SLC8B1: variants seen among roughly 807,000 people sequenced by gnomAD.
SLC8B1 encodes the protein solute carrier family 8 member B1.
A neutral mutation model predicts 63.4 loss-of-function variants in SLC8B1; 52 were observed. That is an observed-to-expected ratio of 0.82 (90% CI 0.66 to 1.03). The LOEUF is 1.03. Ranked by LOEUF, SLC8B1 falls within the 50% of genes least tolerant of loss-of-function variation. The pLI, the probability that SLC8B1 is intolerant of heterozygous loss-of-function variation, is 0.00. For synonymous variants in SLC8B1, 336 were observed against 323.9 expected, an observed-to-expected ratio of 1.04 and a Z score of -0.40; for missense variants, 657 against 741.7, an observed-to-expected ratio of 0.89 and a Z score of 1.33.
rs1240575528 is a variant in SLC8B1, at chr12:113,320,243, ACC to A, written c.694+86_694+87del. 10 of 1,457,544 alleles carry A rather than the reference ACC, an allele frequency of 6.9e-6. No individual in the cohort carries two copies. In the East Asian group the frequency reaches 2.3e-4, roughly 33 times the overall value. The allele number at this position is 1,457,544 out of a possible 1,614,324, so 90.3% of individuals were successfully genotyped here. A position where few individuals can be genotyped will look rare whatever the true frequency, so the allele number is the denominator to read the frequency against. On this transcript the variant is annotated intron_variant, in intron 7 of 15. Coordinates refer to ENST00000680972, the MANE Select transcript of SLC8B1 (RefSeq NM_001358345.2). This position sits in a 1 kb window ranked among gnomAD's most constrained non-coding sequence, Gnocchi z 5.3. ...AATCAAATCAAAGCCCCCACTGACC[ACC>A]CCTCACACCTCTCTGTCCCAGGCAC...
intron 2 of SLC8B1, among the ~76,000 whole-genome samples, chr12:113,324,059 C>G (rs1956964182): frequency 6.6e-6 from 1 of 152,168 alleles, no homozygotes; most frequent in South Asian, 2.1e-4. Flanking sequence ...CACCTGTAAT[C>G]CCAACACTTT....
At position 113,320,054 on chromosome 12, in the gene SLC8B1, A is replaced by G. The variant is rs1956899458; in HGVS notation, c.694+277T>C. On this transcript the variant is annotated intron_variant, in intron 7 of 15. Coordinates refer to ENST00000680972, the MANE Select transcript of SLC8B1 (RefSeq NM_001358345.2). The surrounding 1 kb of genome is among the most constrained non-coding windows in gnomAD (Gnocchi z 5.3). ...GTGATCCTCCTGCCTCAGCCTCTCAAATTGCTGGGATGATAGGTGTGAGCC... is the reference window on the plus strand; with the variant it reads ...GTGATCCTCCTGCCTCAGCCTCTCAGATTGCTGGGATGATAGGTGTGAGCC... The G allele has an allele frequency of 1.1e-5, 4 of 379,038 alleles. No individual in the cohort carries two copies. The highest frequency in any genetic ancestry group is 4.1e-5 in the African/African-American group (2 of 49,002). 23.5% of individuals were successfully genotyped at this position (379,038 alleles called of 1,614,324 possible).
At position 113,307,818 on chromosome 12, in the gene SLC8B1, G is replaced by C; in HGVS notation, c.1284C>G (p.Thr428=). 6.2e-7 allele frequency: 1 copy of C among 1,613,230 alleles called. No homozygotes were observed. The highest frequency in any genetic ancestry group is 8.5e-7 in the Non-Finnish European group (1 of 1,180,018). Residue 428 remains threonine, a synonymous_variant, in exon 13 of 16, where the codon ACC becomes ACG. Coordinates refer to ENST00000680972, the MANE Select transcript of SLC8B1 (RefSeq NM_001358345.2). ...CGGCCGCGTTGATCCACAGGGCGCT[G>C]GTCAGAAAGCCCAGGAAAGCAAAGA... ...HWLFAFLGFL[T]SALWINAAAT...
chr12:113,319,030 G>C lies in SLC8B1; in HGVS notation c.736C>G (p.Leu246Val), dbSNP rs115521155. Residue 246 changes from leucine to valine, a missense_variant, in exon 8 of 16, where the codon CTC becomes GTC. Leu to Val is a conservative substitution (Grantham distance 32). Transcript: ENST00000680972. ...TGCCGTTGGTAGATCCAGGTGCAGA[G>C]AATCACAGTGACCACATAGAACACA... ...LYVFYVVTVI[L>V]CTWIYQRQRR... is the part of the protein sequence containing the mutation. 1,618 of 1,614,066 alleles carry C rather than the reference G, an allele frequency of 1.0e-3. 18 individuals carry two copies. In the African/African-American group the frequency reaches 0.02, roughly 20 times the overall value.
chr12:113,308,789 A>G (rs184492529), intron 12 of SLC8B1: 1 of 152,376 alleles, frequency 6.6e-6, no homozygotes, highest in African/African-American at 2.4e-5. Flanking sequence ...TGGTACATTC[A>G]TTGAGTTTCC....
rs964948403 is a variant in SLC8B1, at chr12:113,302,579, C to T, written c.1557+1742G>A. 7.3e-5 allele frequency: 33 copies of T among 453,876 alleles called. 1 individual carries two copies. The highest frequency in any genetic ancestry group is 3.6e-4 in the African/African-American group (18 of 49,994). The allele number at this position is 453,876 out of a possible 1,614,324, so 28.1% of individuals were successfully genotyped here. A position where few individuals can be genotyped will look rare whatever the true frequency, so the allele number is the denominator to read the frequency against. On this transcript the variant is annotated intron_variant, in intron 15 of 15. Transcript: ENST00000680972. ...AAAAGGGACTGAAATGTCCCCTCCC[C>T]GCTTCTCTTCCTTCCACACTTAGCA...
intron 11 of SLC8B1, among the ~76,000 whole-genome samples, chr12:113,312,107 A>C (rs1053693879): frequency 5.9e-5 from 9 of 151,992 alleles, no homozygotes; most frequent in African/African-American, 2.2e-4. Flanking sequence ...GGAATAGCAC[A>C]GAAAAGGCTG....
Position 113,330,517 on chromosome 12 carries a change from C to T in SLC8B1, c.156+2206G>A, listed in dbSNP as rs371015545. On this transcript the variant is annotated intron_variant, in intron 2 of 15. Transcript: ENST00000680972. The stretch of plus-strand genomic sequence containing the variant: ...ATAGCACAGAGATAATCACTCCCAC[C>T]TCACGGGGTTTGGGGGAGGACTTGT... 7.2e-5 allele frequency among the ~76,000 whole-genome samples: 11 copies of T among 152,346 alleles called. No homozygotes were observed. The South Asian group carries it at 1.5e-3, about 20-fold the overall frequency.
At chr12:113,331,608 G>A (rs536454152) in intron 2 of SLC8B1, among the ~76,000 whole-genome samples, 2 of 152,108 alleles carry the variant, frequency 1.3e-5, no homozygotes, top group Non-Finnish European at 2.9e-5. Context: ...TCAGCTTTGG[G>A]ACTCTTGGAC....
chr12:113,317,524 T>A (rs1956850137), intron 8 of SLC8B1, among the ~76,000 whole-genome samples: 1 of 152,230 alleles, frequency 6.6e-6, no homozygotes. Context: ...AATAGGGGCA[T>A]CTGAAGGCAC....
At chr12:113,331,220 C>A (rs11609158) in intron 2 of SLC8B1, among the ~76,000 whole-genome samples, 1 of 151,798 alleles carries the variant, frequency 6.6e-6, no homozygotes, top group African/African-American at 2.4e-5. Flanking sequence ...AACCCTGTTT[C>A]TACTAAAAAT....
chr12:113,307,801 T>C lies in SLC8B1; in HGVS notation c.1301A>G (p.Asn434Ser). Reference protein sequence around the residue: ...LGFLTSALWINAAATEVVNIL... With the variant: ...LGFLTSALWISAAATEVVNIL... ...GTTCACCACCTCTGTGGCGGCCGCGTTGATCCACAGGGCGCTGGTCAGAAA... is the reference window on the plus strand; with the variant it reads ...GTTCACCACCTCTGTGGCGGCCGCGCTGATCCACAGGGCGCTGGTCAGAAA... Residue 434 changes from asparagine to serine, a missense_variant, in exon 13 of 16, where the codon AAC (asparagine) becomes AGC (serine). Physicochemically the swap from Asn to Ser is conservative, Grantham distance 46. Coordinates refer to ENST00000680972, the MANE Select transcript of SLC8B1 (RefSeq NM_001358345.2). 6.2e-7 allele frequency: 1 copy of C among 1,613,618 alleles called. No individual in the cohort carries two copies. The highest frequency in any genetic ancestry group is 1.3e-5 in the African/African-American group (1 of 75,040).
At chr12:113,316,843 G>T in intron 9 of SLC8B1, 99 bp downstream of exon 9, 1 of 1,503,984 alleles carries the variant, frequency 6.6e-7, no homozygotes, top group Non-Finnish European at 9.1e-7. Context: ...CCGATTTGGA[G>T]CCTCATTCCT....
intron 15 of SLC8B1, 26 bp downstream of exon 15, chr12:113,304,295 C>A: frequency 6.2e-7 from 1 of 1,611,906 alleles, no homozygotes; most frequent in East Asian, 2.2e-5. Flanking sequence ...GTTATATACA[C>A]TTGTAAACTT....
rs148622951 is a variant in SLC8B1 at position 113,304,421 on chromosome 12, C to A, written c.1493-36G>T. On this transcript the variant is annotated intron_variant, in intron 14 of 15. Coordinates refer to ENST00000680972, the MANE Select transcript of SLC8B1 (RefSeq NM_001358345.2). The stretch of plus-strand genomic sequence containing the variant: ...GCTCAGGAAGCTTTGCTGGAATGGC[C>A]TGCACATAACCCAACCACATAGCCC... 9.6e-4 allele frequency: 1,535 copies of A among 1,595,816 alleles called. 14 individuals carry two copies. In the African/African-American group the frequency reaches 0.018, roughly 19 times the overall value.
At chr12:113,301,990 GGGA>G (rs1306111233) in intron 15 of SLC8B1, 1 of 152,198 alleles carries the variant, frequency 6.6e-6, no homozygotes, top group Non-Finnish European at 1.5e-5. Context: ...GCTCCTCTGC[GGGA>G]GGAGGAGCTG....
At chr12:113,321,572 T>C (rs537626581) in intron 2 of SLC8B1, among the ~76,000 whole-genome samples, 3 of 152,258 alleles carry the variant, frequency 2.0e-5, no homozygotes, top group Admixed American at 6.5e-5. Context: ...AAAAAACCAA[T>C]ACATAAGATT....
intron 12 of SLC8B1, among the ~76,000 whole-genome samples, chr12:113,309,615 G>A (rs1956727481): frequency 6.6e-6 from 1 of 152,168 alleles, no homozygotes; most frequent in Non-Finnish European, 1.5e-5. Flanking sequence ...AATTAGCTGG[G>A]CGTGGTGGCT....
intron 15 of SLC8B1, among the ~76,000 whole-genome samples, 155 bp downstream of exon 15, chr12:113,304,165 CT>C (rs1237472934): frequency 6.6e-6 from 1 of 152,182 alleles, no homozygotes; most frequent in Non-Finnish European, 1.5e-5. Flanking sequence ...CAGGCATGAG[CT>C]ACCACACCCG....
Sources: allele counts gnomAD v4.1 joint callset (sites outside exome capture counted in the v4.1 genomes callset), GRCh38; gene constraint gnomAD v4.1.1; non-coding constraint Gnocchi (gnomAD v3.1); transcripts MANE v1.5; gene names NCBI Gene and HGNC (gene_info 2026-07-23, HGNC 2026-07-21).